The following ADAMTSL3 variants were observed in gnomAD, a reference collection of about 807,000 sequenced individuals.
ADAMTSL3 encodes the protein ADAMTS like 3, also known as ADAMTS-like protein 3.
A neutral mutation model predicts 201.7 loss-of-function variants in ADAMTSL3; 128 were observed. That is an observed-to-expected ratio of 0.63 (90% CI 0.55 to 0.73). The LOEUF is 0.73. Among genes scored for constraint, ADAMTSL3 ranks in the 30% least tolerant of loss-of-function variants. The pLI is 0.00. For synonymous variants in ADAMTSL3, 738 were observed against 748.4 expected, an observed-to-expected ratio of 0.99 and a Z score of 0.23; for missense variants, 1,990 against 2,119.6, an observed-to-expected ratio of 0.94 and a Z score of 1.20.
At chr15:83,928,985 C>G (rs1401845820) in intron 17 of ADAMTSL3, among the ~76,000 whole-genome samples, 1 of 152,156 alleles carries the variant, frequency 6.6e-6, no homozygotes, top group Non-Finnish European at 1.5e-5. Flanking sequence ...CTGCCACTGC[C>G]TTAATTCAGA....
chr15:83,966,764 T>A (rs896276955), intron 19 of ADAMTSL3, among the ~76,000 whole-genome samples: 1 of 152,022 alleles, frequency 6.6e-6, no homozygotes, highest in South Asian at 2.1e-4. Flanking sequence ...CTGATGAACA[T>A]CAATGCGAAA....
intron 2 of ADAMTSL3, among the ~76,000 whole-genome samples, chr15:83,662,480 T>G: frequency 6.8e-6 from 1 of 147,278 alleles, no homozygotes; most frequent in Non-Finnish European, 1.5e-5. Context: ...AGATGACGAG[T>G]TAGTGGGTTC....
rs183330170 is a variant in ADAMTSL3 at position 83,676,603 on chromosome 15, G to A, written c.69+20773G>A. On this transcript the variant is annotated intron_variant, in intron 2 of 29. Coordinates refer to ENST00000286744, the MANE Select transcript of ADAMTSL3 (RefSeq NM_207517.3). Reference sequence around the variant, plus strand: ...TGAGGCAGGAGAATGGCGTGAACCCGGGAAGGGGAGCTTGCAGTGAGCGGA... The same window carrying A: ...TGAGGCAGGAGAATGGCGTGAACCCAGGAAGGGGAGCTTGCAGTGAGCGGA... Among the ~76,000 whole-genome samples, 628 of 152,272 alleles carry A rather than the reference G, an allele frequency of 4.1e-3. 3 individuals are homozygous for A. The highest frequency in any genetic ancestry group is 6.4e-3 in the Non-Finnish European group (432 of 68,020).
chr15:83,776,262 G>A (rs1177659913), intron 4 of ADAMTSL3, among the ~76,000 whole-genome samples: 3 of 152,176 alleles, frequency 2.0e-5, no homozygotes, highest in African/African-American at 7.2e-5. Flanking sequence ...GAAATCCTCA[G>A]AAGTTCTTCC....
intron 2 of ADAMTSL3, among the ~76,000 whole-genome samples, chr15:83,668,662 A>C (rs776592009): frequency 1.2e-4 from 18 of 152,146 alleles, no homozygotes; most frequent in African/African-American, 1.4e-4. Flanking sequence ...TTAAAAAGGG[A>C]GATCAAGTTG....
intron 4 of ADAMTSL3, among the ~76,000 whole-genome samples, chr15:83,802,907 A>T (rs991875209): frequency 6.6e-6 from 1 of 152,224 alleles, no homozygotes; most frequent in African/African-American, 2.4e-5. Context: ...CGGCATAGCA[A>T]TGTGAACATA....
intron 21 of ADAMTSL3, among the ~76,000 whole-genome samples, chr15:83,985,162 C>T (rs2067451552): frequency 6.6e-6 from 1 of 151,666 alleles, no homozygotes; most frequent in Non-Finnish European, 1.5e-5. Context: ...TACAGGCCTT[C>T]CAAATGTTGG....
intron 3 of ADAMTSL3, among the ~76,000 whole-genome samples, chr15:83,721,566 T>G (rs1014362702): frequency 2.0e-5 from 3 of 152,192 alleles, no homozygotes; most frequent in Non-Finnish European, 4.4e-5. Context: ...TAGATTAACA[T>G]CTTTAAGGAA....
At chr15:83,859,973 G>T (rs2064821263) in intron 8 of ADAMTSL3, among the ~76,000 whole-genome samples, 1 of 152,008 alleles carries the variant, frequency 6.6e-6, no homozygotes. Context: ...GACAAGCCTG[G>T]GCAGCACAGG....
chr15:83,940,527 C>T (rs1198107148), intron 17 of ADAMTSL3, among the ~76,000 whole-genome samples: 1 of 152,146 alleles, frequency 6.6e-6, no homozygotes, highest in East Asian at 1.9e-4. Context: ...CATGAGGGCT[C>T]CACTCTCATG....
chr15:83,843,667 G>T (rs548036985), intron 7 of ADAMTSL3, among the ~76,000 whole-genome samples: 2 of 152,282 alleles, frequency 1.3e-5, no homozygotes, highest in Admixed American at 6.5e-5. Flanking sequence ...ACCTTGCCAA[G>T]AATTCATTCC....
At chr15:83,808,463 A>G (rs1338981492) in intron 5 of ADAMTSL3, among the ~76,000 whole-genome samples, 1 of 152,224 alleles carries the variant, frequency 6.6e-6, no homozygotes, top group Non-Finnish European at 1.5e-5. Flanking sequence ...GATTATTATC[A>G]CAAAGACAAA....
rs555290943 is a variant in ADAMTSL3 at position 83,943,051 on chromosome 15, C to T, written c.2459C>T (p.Pro820Leu). 1.8e-5 allele frequency: 29 copies of T among 1,613,696 alleles called. No individual in the cohort carries two copies. Among genetic ancestry groups the T allele is most frequent in the East Asian group, 4.5e-5 (2 of 44,860 alleles). Residue 820 changes from proline (P) to leucine (L), a missense_variant, in exon 19 of 30, where the codon CCT becomes CTT. Pro to Leu is a moderately conservative substitution (Grantham distance 98). Coordinates refer to ENST00000286744, the MANE Select transcript of ADAMTSL3 (RefSeq NM_207517.3). ...AAGTCCTGTGCCAGGACAGACTGTC[C>T]TCCACATTTAGCTGTGGGAGACTGG... is the stretch of plus-strand genomic sequence containing the variant. Reference protein sequence around the residue: ...SHKSCARTDCPPHLAVGDWSK... With the variant: ...SHKSCARTDCLPHLAVGDWSK...
intron 2 of ADAMTSL3, among the ~76,000 whole-genome samples, chr15:83,695,899 A>G (rs2061681991): frequency 1.3e-5 from 2 of 150,866 alleles, no homozygotes; most frequent in South Asian, 2.1e-4. Flanking sequence ...GGTTCAAGGA[A>G]CCAAATGTAC....
intron 4 of ADAMTSL3, among the ~76,000 whole-genome samples, chr15:83,780,022 T>G (rs1035260520): frequency 6.6e-6 from 1 of 151,652 alleles, no homozygotes; most frequent in Non-Finnish European, 1.5e-5. Context: ...CTAAAAGAAC[T>G]AGAGAACCAA....
At chr15:83,823,895 CTTCTTCTTCTTCTT>C (rs2063939924) in intron 6 of ADAMTSL3, among the ~76,000 whole-genome samples, 2 of 15,094 alleles carry the variant, frequency 1.3e-4, no homozygotes, top group East Asian at 1.5e-3. Flanking sequence ...TCTTCTTCCT[CTTCTTCTTCTTCTT>C]CTTCTTCTTC....
intron 3 of ADAMTSL3, among the ~76,000 whole-genome samples, chr15:83,745,680 A>G (rs2062533437): frequency 6.6e-6 from 1 of 152,306 alleles, no homozygotes; most frequent in African/African-American, 2.4e-5. Flanking sequence ...TCTAGCACCC[A>G]TGCACTCCAG....
rs1026124151 is a variant in ADAMTSL3 at position 83,685,949 on chromosome 15, C to T, written c.70-18440C>T. ...CCTTTCCCTGTGACTTCCCCCGGTACGTAGAGAAACCCCGCAATGGGCTCT... is the reference window on the plus strand; with the variant it reads ...CCTTTCCCTGTGACTTCCCCCGGTATGTAGAGAAACCCCGCAATGGGCTCT... On this transcript the variant is annotated intron_variant, in intron 2 of 29. Transcript: ENST00000286744. Among the ~76,000 whole-genome samples the T allele has an allele frequency of 3.3e-5, 5 of 152,186 alleles. No homozygotes were observed. The South Asian group carries it at 8.3e-4, about 25-fold the overall frequency.
intron 23 of ADAMTSL3, among the ~76,000 whole-genome samples, chr15:84,009,017 C>G (rs995787175): frequency 6.6e-6 from 1 of 152,196 alleles, no homozygotes; most frequent in Non-Finnish European, 1.5e-5. Context: ...TTCATTGCCA[C>G]TACACTGGTC....
Sources: gnomAD v4.1 joint callset for allele counts (sites outside exome capture counted in the v4.1 genomes callset) on GRCh38, gnomAD v4.1.1 for gene constraint, MANE v1.5 for transcripts, NCBI Gene and HGNC (gene_info 2026-07-23, HGNC 2026-07-21) for gene names.